The following ARB2A variants were observed in gnomAD, a reference collection of about 807,000 sequenced individuals.
ARB2A encodes ARB2 cotranscriptional regulator A, also known as cotranscriptional regulator ARB2A.
the ARB2A span, among the ~76,000 whole-genome samples, chr5:93,750,204 G>T: frequency 1.3e-5 from 2 of 152,092 alleles, no homozygotes; most frequent in Non-Finnish European, 2.9e-5. Flanking sequence ...ATGAAATTAG[G>T]CTCTAATTTT....
chr5:93,941,130 C>G, the ARB2A span, among the ~76,000 whole-genome samples: 1 of 151,878 alleles, frequency 6.6e-6, no homozygotes, highest in African/African-American at 2.4e-5. Flanking sequence ...AAAGTTTAAC[C>G]CTGGAGCAAG....
the ARB2A span, among the ~76,000 whole-genome samples, chr5:93,982,824 G>T: frequency 6.6e-6 from 1 of 152,194 alleles, no homozygotes; most frequent in Non-Finnish European, 1.5e-5. Context: ...GGAGGCTGAG[G>T]TGGGCGGATC....
At chr5:93,944,214 C>T in the ARB2A span, among the ~76,000 whole-genome samples, 6 of 152,094 alleles carry the variant, frequency 3.9e-5, no homozygotes, top group South Asian at 1.2e-3. Flanking sequence ...ACCGGAACGG[C>T]CAGGTTAAAA....
the ARB2A span, among the ~76,000 whole-genome samples, chr5:93,972,733 T>C: frequency 6.6e-6 from 1 of 152,020 alleles, no homozygotes; most frequent in Non-Finnish European, 1.5e-5. Flanking sequence ...GAAGATGACA[T>C]AGCTGCTATA....
the ARB2A span, among the ~76,000 whole-genome samples, chr5:93,631,801 G>C: frequency 6.9e-6 from 1 of 144,542 alleles, no homozygotes; most frequent in Non-Finnish European, 1.5e-5. Context: ...GGGGGATAGG[G>C]AGAGGGGGAG....
chr5:93,773,801 C>T, the ARB2A span, among the ~76,000 whole-genome samples: 1 of 152,092 alleles, frequency 6.6e-6, no homozygotes, highest in Admixed American at 6.6e-5. Flanking sequence ...GTTCTGTCTT[C>T]TAAGTTGGGG....
the ARB2A span, among the ~76,000 whole-genome samples, chr5:93,949,716 G>A: frequency 6.6e-6 from 1 of 151,816 alleles, no homozygotes; most frequent in South Asian, 2.1e-4. Flanking sequence ...TCACTCTACT[G>A]TGCTCCAAAT....
At chr5:93,650,932 C>T in the ARB2A span, among the ~76,000 whole-genome samples, 9 of 151,992 alleles carry the variant, frequency 5.9e-5, no homozygotes, top group East Asian at 1.9e-4. Flanking sequence ...ATCAAGGCTG[C>T]GGTGAGCTAT....
At chr5:93,776,290 G>A in the ARB2A span, 2 of 1,499,434 alleles carry the variant, frequency 1.3e-6, no homozygotes, top group Non-Finnish European at 1.8e-6. Context: ...TTTAAGCCAA[G>A]ATGGAATTTT....
the ARB2A span, among the ~76,000 whole-genome samples, chr5:94,098,903 A>G: frequency 2.0e-5 from 3 of 152,192 alleles, no homozygotes; most frequent in African/African-American, 4.8e-5. Flanking sequence ...TCCTGGACAC[A>G]TGTACCCTCC....
At chr5:93,868,878 A>G in the ARB2A span, among the ~76,000 whole-genome samples, 2 of 152,158 alleles carry the variant, frequency 1.3e-5, no homozygotes, top group African/African-American at 2.4e-5. Context: ...AGGAAACTCT[A>G]TTTCTTTAAT....
At chr5:93,712,948 A>G in the ARB2A span, among the ~76,000 whole-genome samples, 1 of 152,164 alleles carries the variant, frequency 6.6e-6, no homozygotes, top group Non-Finnish European at 1.5e-5. Context: ...AAGAACATAC[A>G]CTGGGGAAAG....
the ARB2A span, among the ~76,000 whole-genome samples, chr5:93,828,331 G>C: frequency 6.6e-6 from 1 of 152,222 alleles, no homozygotes; most frequent in East Asian, 1.9e-4. Context: ...TGGATTGCTA[G>C]GTATTTTATT....
At chr5:94,033,752 G>C in the ARB2A span, among the ~76,000 whole-genome samples, 225 of 152,258 alleles carry the variant, frequency 1.5e-3, 1 homozygote, top group South Asian at 5.8e-3. Flanking sequence ...CATGTAAGAA[G>C]GACATGAGTT....
the ARB2A span, among the ~76,000 whole-genome samples, chr5:93,720,203 T>G: frequency 6.6e-6 from 1 of 152,230 alleles, no homozygotes; most frequent in Non-Finnish European, 1.5e-5. Context: ...TTCTAATCTA[T>G]CCAATGTAAA....
the ARB2A span, among the ~76,000 whole-genome samples, chr5:94,002,638 T>G: frequency 6.6e-6 from 1 of 152,064 alleles, no homozygotes; most frequent in Non-Finnish European, 1.5e-5. Context: ...CTGCTTTTTA[T>G]TTATTTTTAG....
the ARB2A span, among the ~76,000 whole-genome samples, chr5:93,628,713 T>A: frequency 6.6e-6 from 1 of 152,216 alleles, no homozygotes; most frequent in Non-Finnish European, 1.5e-5. Context: ...CAACCTCTTC[T>A]GAAGTTTCCA....
chr5:93,996,435 G>A, the ARB2A span, among the ~76,000 whole-genome samples: 1 of 152,012 alleles, frequency 6.6e-6, no homozygotes, highest in Non-Finnish European at 1.5e-5. Flanking sequence ...TCAGGGTTGT[G>A]TGAGAATGCA....
the ARB2A span, among the ~76,000 whole-genome samples, chr5:94,106,674 C>T: frequency 6.6e-6 from 1 of 151,932 alleles, no homozygotes; most frequent in African/African-American, 2.4e-5. Flanking sequence ...ACAACATGTA[C>T]TCATATGTCC....
Sources: gnomAD v4.1 joint callset for allele counts (sites outside exome capture counted in the v4.1 genomes callset) on GRCh38, gnomAD v4.1.1 for gene constraint, MANE v1.5 for transcripts, NCBI Gene and HGNC (gene_info 2026-07-23, HGNC 2026-07-21) for gene names.